The following RHOBTB1 variants were observed in gnomAD, a reference collection of about 807,000 sequenced individuals.
The protein encoded by RHOBTB1 is Rho related BTB domain containing 1, also known as rho-related BTB domain-containing protein 1.
Under a neutral mutation model 71.6 loss-of-function variants are expected in RHOBTB1, and 40 were observed. The observed-to-expected ratio is 0.56, with a 90% CI of 0.43 to 0.73. RHOBTB1 has a LOEUF of 0.73. Ranked by LOEUF, RHOBTB1 falls within the 30% of genes least tolerant of loss-of-function variation. RHOBTB1 has a pLI of 0.00. For synonymous variants in RHOBTB1, 319 were observed against 334.9 expected (o/e 0.95, Z 0.52); for missense variants, 797 against 894.0 (o/e 0.89, Z 1.38).
At chr10:60,964,386 C>A (rs1289529215) in intron 2 of RHOBTB1, among the ~76,000 whole-genome samples, 1 of 151,988 alleles carries the variant, frequency 6.6e-6, no homozygotes, top group African/African-American at 2.4e-5. Flanking sequence ...GTCTCTCAAG[C>A]CAAAAATTTG....
At chr10:60,939,664 C>A (rs2084795541) in intron 2 of RHOBTB1, among the ~76,000 whole-genome samples, 1 of 152,176 alleles carries the variant, frequency 6.6e-6, no homozygotes, top group South Asian at 2.1e-4. Context: ...ATCACCTATG[C>A]TCTTTAAACC....
intron 2 of RHOBTB1, among the ~76,000 whole-genome samples, chr10:60,949,947 G>A (rs1322109615): frequency 6.6e-6 from 1 of 152,106 alleles, no homozygotes; most frequent in Non-Finnish European, 1.5e-5. Context: ...TATTTGTGTA[G>A]GTTTACCTAA....
chr10:60,908,718 A>G (rs939617856), intron 4 of RHOBTB1, among the ~76,000 whole-genome samples: 1 of 152,206 alleles, frequency 6.6e-6, no homozygotes, highest in Admixed American at 6.5e-5. Flanking sequence ...CATATTTAGC[A>G]TTTACAGAAA....
intron 2 of RHOBTB1, among the ~76,000 whole-genome samples, chr10:60,937,554 T>C (rs527298434): frequency 3.3e-5 from 5 of 152,182 alleles, no homozygotes; most frequent in Non-Finnish European, 7.3e-5. Flanking sequence ...GAACAGTGTC[T>C]GGAAGAAAAT....
intron 2 of RHOBTB1, among the ~76,000 whole-genome samples, chr10:60,928,372 T>G (rs954033236): frequency 4.6e-5 from 7 of 151,986 alleles, no homozygotes; most frequent in Non-Finnish European, 2.9e-5. Flanking sequence ...GATATCTGCA[T>G]TCCCATGTTT....
rs528236520 is a variant in RHOBTB1 at position 60,888,392 on chromosome 10, T to C, written c.1276A>G (p.Lys426Glu). ...GCCAGGCCCACCAAATCCTTTTCCT[T>C]TTCATCCAGTTGTCCCGTATAAAGA... Reference protein sequence around the residue: ...QFLYTGQLDEKEKDLVGLAQI... With the variant: ...QFLYTGQLDEEEKDLVGLAQI... Residue 426 changes from lysine (K) to glutamate (E), a missense_variant, in exon 6 of 11, where the codon AAG (lysine) becomes GAG (glutamate). Lys to Glu is a moderately conservative substitution (Grantham distance 56, BLOSUM62 1). Transcript: ENST00000337910. 6.3e-5 allele frequency: 101 copies of C among 1,614,128 alleles called. No homozygotes were observed. The South Asian group carries it at 1.0e-3, about 17-fold the overall frequency.
At chr10:60,865,992 C>T (rs553922845), downstream of RHOBTB1, among the ~76,000 whole-genome samples, 123 of 152,140 alleles carry the variant, frequency 8.1e-4, no homozygotes, top group African/African-American at 2.2e-3. Flanking sequence ...TCACCACACC[C>T]GGCTAATTTT....
chr10:60,994,229 C>G (rs1315678987), intron 1 of RHOBTB1, among the ~76,000 whole-genome samples: 1 of 152,120 alleles, frequency 6.6e-6, no homozygotes, highest in Non-Finnish European at 1.5e-5. Context: ...GGCTTGACCT[C>G]TGACCTCAGG....
intron 4 of RHOBTB1, among the ~76,000 whole-genome samples, chr10:60,909,951 G>A (rs2082883151): frequency 6.6e-6 from 1 of 152,158 alleles, no homozygotes; most frequent in Non-Finnish European, 1.5e-5. Flanking sequence ...TCCGTTCAAA[G>A]AGCTACTGGC....
rs1196749161 is a variant in RHOBTB1 at position 60,870,175 on chromosome 10, G to C, written c.*1307C>G. On this transcript the variant is annotated 3_prime_UTR_variant, in exon 11 of 11. Transcript: ENST00000337910. ...GTGTGCTGTAACATTTTAATTTACAGAGAAGCAATGACTGACTGCCTCACG... is the reference window on the plus strand; with the variant it reads ...GTGTGCTGTAACATTTTAATTTACACAGAAGCAATGACTGACTGCCTCACG... The C allele has an allele frequency of 6.6e-6, 1 of 152,578 alleles. No homozygotes were observed. The highest frequency in any genetic ancestry group is 1.5e-5 in the Non-Finnish European group (1 of 68,040). 9.5% of individuals were successfully genotyped at this position (152,578 alleles called of 1,614,324 possible).
intron 9 of RHOBTB1, among the ~76,000 whole-genome samples, chr10:60,873,673 T>C (rs951404390): frequency 6.6e-6 from 1 of 152,240 alleles, no homozygotes; most frequent in Non-Finnish European, 1.5e-5. Context: ...AACCATCCCC[T>C]GGAACTGTTT....
At chr10:60,888,065 T>G (rs1480612598) in intron 6 of RHOBTB1, 147 bp downstream of exon 6, 3 of 911,144 alleles carry the variant, frequency 3.3e-6, no homozygotes, top group Middle Eastern at 6.9e-4. Flanking sequence ...TTAAAGAAGT[T>G]AATGCCTGTA....
At chr10:60,914,837 G>A (rs1373397884) in intron 2 of RHOBTB1, among the ~76,000 whole-genome samples, 1 of 152,176 alleles carries the variant, frequency 6.6e-6, no homozygotes, top group Admixed American at 6.5e-5. Flanking sequence ...TAACATCTAT[G>A]GGTCCTCTAA....
intron 4 of RHOBTB1, among the ~76,000 whole-genome samples, chr10:60,894,081 C>T (rs888670343): frequency 2.0e-5 from 3 of 152,136 alleles, no homozygotes; most frequent in East Asian, 1.9e-4. Context: ...AGAGTCAAGT[C>T]GATGAATCAA....
chr10:60,989,914 A>T (rs2134938299), intron 1 of RHOBTB1, among the ~76,000 whole-genome samples: 1 of 151,916 alleles, frequency 6.6e-6, no homozygotes, highest in Middle Eastern at 3.4e-3. Flanking sequence ...GTGCTCATAC[A>T]ATACTCTTGG....
At chr10:60,987,303 C>T (rs1390868369) in intron 1 of RHOBTB1, among the ~76,000 whole-genome samples, 1 of 152,162 alleles carries the variant, frequency 6.6e-6, no homozygotes, top group Admixed American at 6.5e-5. Flanking sequence ...CACTTGGCAG[C>T]AATTTTATTC....
intron 4 of RHOBTB1, among the ~76,000 whole-genome samples, chr10:60,902,148 C>T (rs1447898807): frequency 5.3e-5 from 8 of 152,286 alleles, no homozygotes; most frequent in Admixed American, 2.0e-4. Context: ...GTTCAGAGCG[C>T]GAAGGACAGT....
rs75857810 is a variant in RHOBTB1, at chr10:60,929,991, T to C, written c.-11+11813A>G. Among the ~76,000 whole-genome samples, 626 of 152,300 alleles carry C rather than the reference T, an allele frequency of 4.1e-3. 2 individuals are homozygous for C. The highest frequency in any genetic ancestry group is 0.014 in the African/African-American group (596 of 41,566). ...CCCAAATCCCCCAAAGTGTAAATTG[T>C]TGTCAACCAAATTCTCTGGCTGCAA... is the stretch of plus-strand genomic sequence containing the variant. On this transcript the variant is annotated intron_variant, in intron 2 of 10. Coordinates refer to ENST00000337910, the MANE Select transcript of RHOBTB1 (RefSeq NM_014836.5).
At chr10:60,978,918 C>T (rs1314619156) in intron 2 of RHOBTB1, among the ~76,000 whole-genome samples, 3 of 152,052 alleles carry the variant, frequency 2.0e-5, no homozygotes, top group African/African-American at 7.2e-5. Flanking sequence ...TATAGAAATA[C>T]CTCCTCTTCT....
Sources: gnomAD v4.1 joint callset for allele counts (sites outside exome capture counted in the v4.1 genomes callset) on GRCh38, gnomAD v4.1.1 for gene constraint, MANE v1.5 for transcripts, NCBI Gene and HGNC (gene_info 2026-07-23, HGNC 2026-07-21) for gene names.